The following TLK1 variants were observed in gnomAD, a reference collection of about 807,000 sequenced individuals.
TLK1 encodes the protein serine/threonine-protein kinase tousled-like 1.
TLK1 carries 24 observed loss-of-function variants against 105.3 expected under a neutral mutation model. That is an observed-to-expected ratio of 0.23 (90% confidence interval 0.17 to 0.32). The LOEUF (loss-of-function observed/expected upper bound fraction) is 0.32, where lower values mean the gene tolerates loss of function less well. Among genes scored for constraint, TLK1 ranks in the 10% least tolerant of loss-of-function variants. The pLI, the probability that TLK1 is intolerant of heterozygous loss-of-function variation, is 1.00. For missense variants in TLK1, 558 were observed against 910.5 expected (o/e 0.61, Z 4.98); for synonymous variants, 321 against 310.4 (o/e 1.03, Z -0.36).
chr2:171,009,281 ATTTCTTTTCCTTTTTTTTTTTTTTTTT>A (rs1291528734), intron 14 of TLK1, among the ~76,000 whole-genome samples: 12 of 114,406 alleles, frequency 1.0e-4, no homozygotes, highest in Non-Finnish European at 1.9e-4. Context: ...AACAGTCAGG[ATTTCTTTTCCTTTTTTTTTTTTTTTTT>A]TTTTTTTTTT....
chr2:171,081,608 A>G, intron 3 of TLK1: 1 of 1,282,064 alleles, frequency 7.8e-7, no homozygotes, highest in Non-Finnish European at 1.0e-6. Flanking sequence ...CTAAACTGAT[A>G]ATCTGATGCT....
intron 3 of TLK1, among the ~76,000 whole-genome samples, chr2:171,061,693 A>G (rs1687759126): frequency 6.6e-6 from 1 of 152,256 alleles, no homozygotes; most frequent in Non-Finnish European, 1.5e-5. Flanking sequence ...ATTATGCCCC[A>G]GATAACGGAT....
intron 12 of TLK1, among the ~76,000 whole-genome samples, chr2:171,026,721 A>G (rs1371581777): frequency 1.3e-5 from 2 of 152,116 alleles, no homozygotes; most frequent in Admixed American, 6.5e-5. Context: ...CTCATTATCA[A>G]AACAGTTTAA....
chr2:171,012,538 G>GCCAAGT (rs1684970020), intron 13 of TLK1, among the ~76,000 whole-genome samples: 1 of 151,950 alleles, frequency 6.6e-6, no homozygotes, highest in African/African-American at 2.4e-5. Flanking sequence ...GAGTGCAGTG[G>GCCAAGT]CACGATCTTG....
In TLK1 at chr2:171,160,764, T is replaced by A. The variant is rs2105615556; in HGVS notation, c.-336A>T. The stretch of plus-strand genomic sequence containing the variant: ...GTCGGAGCGCGGGCGGAGCGCGGGC[T>A]GCGCCGGCCGAGGACACTTCCGCGG... On this transcript the variant is annotated 5_prime_UTR_variant, in exon 1 of 21. Transcript: ENST00000431350. The surrounding 1 kb of genome is among the most constrained non-coding windows in gnomAD (Gnocchi z 4.4). 2.3e-6 allele frequency: 1 copy of A among 425,840 alleles called. No homozygotes were observed. The highest frequency in any genetic ancestry group is 4.0e-6 in the Non-Finnish European group (1 of 248,282). The allele number at this position is 425,840 out of a possible 1,614,324, so 26.4% of individuals were successfully genotyped here. A position where few individuals can be genotyped will look rare whatever the true frequency, so the allele number is the denominator to read the frequency against.
intron 18 of TLK1, among the ~76,000 whole-genome samples, chr2:171,000,162 G>C (rs1183966764): frequency 6.6e-6 from 1 of 152,052 alleles, no homozygotes; most frequent in African/African-American, 2.4e-5. Flanking sequence ...TAGAACAGGA[G>C]GTCGGCAGTT....
chr2:171,061,826 G>C (rs897841409), intron 3 of TLK1, among the ~76,000 whole-genome samples: 1 of 152,178 alleles, frequency 6.6e-6, no homozygotes, highest in Non-Finnish European at 1.5e-5. Flanking sequence ...ATATTTTGTG[G>C]TGTGAGAATT....
At chr2:171,197,292 G>A (rs1693293619) in intron 1 of TLK1, among the ~76,000 whole-genome samples, 1 of 152,014 alleles carries the variant, frequency 6.6e-6, no homozygotes, top group Non-Finnish European at 1.5e-5. Context: ...TTAAAAATGA[G>A]AGAGAAAAAA....
rs772193791 is a variant in TLK1, at chr2:171,082,773, T to A, written c.330+8A>T. On this transcript the variant is annotated splice_region_variant and intron_variant, in intron 3 of 20. Coordinates refer to ENST00000431350, the MANE Select transcript of TLK1 (RefSeq NM_012290.5). ...TAATAGCACCATATTTAAAATGAAATTACTTACCTCTGATTCTTTGTCACT... is the reference window on the plus strand; with the variant it reads ...TAATAGCACCATATTTAAAATGAAAATACTTACCTCTGATTCTTTGTCACT... 6.3e-7 allele frequency: 1 copy of A among 1,587,884 alleles called. No individual in the cohort carries two copies.
intron 1 of TLK1, among the ~76,000 whole-genome samples, chr2:171,203,501 A>C (rs1301066506): frequency 6.6e-6 from 1 of 152,196 alleles, no homozygotes; most frequent in Non-Finnish European, 1.5e-5. Context: ...ATTCATCCGC[A>C]TTGTAGAATA....
Position 171,128,978 on chromosome 2 carries a change from G to C in TLK1, c.140-11121C>G, listed in dbSNP as rs1044127125. Among the ~76,000 whole-genome samples the C allele has an allele frequency of 3.3e-4, 50 of 152,282 alleles. 2 individuals are homozygous for C. The highest frequency in any genetic ancestry group is 1.1e-3 in the African/African-American group (44 of 41,572). On this transcript the variant is annotated intron_variant, in intron 1 of 20. Coordinates refer to ENST00000431350, the MANE Select transcript of TLK1 (RefSeq NM_012290.5). ...CCAGAGGAAGAGTATGTGTGTGTGTGTGTGTATGTGTGTGTGCACGTGTCC... is the reference window on the plus strand; with the variant it reads ...CCAGAGGAAGAGTATGTGTGTGTGTCTGTGTATGTGTGTGTGCACGTGTCC...
intron 1 of TLK1, among the ~76,000 whole-genome samples, chr2:171,148,879 T>TA (rs745504391): frequency 0.015 from 1,597 of 103,852 alleles, 25 homozygotes; most frequent in South Asian, 0.034. Context: ...GACTCTGTCT[T>TA]AAAAAAAAAA....
chr2:171,223,481 C>CTTTTTTTTTTT (rs71013025), intron 1 of TLK1, among the ~76,000 whole-genome samples: 1 of 127,008 alleles, frequency 7.9e-6, no homozygotes. Flanking sequence ...GTATTTTGCA[C>CTTTTTTTTTTT]TTTTTTTTTT....
chr2:171,191,022 G>A (rs570952681), intron 1 of TLK1, among the ~76,000 whole-genome samples: 4 of 152,056 alleles, frequency 2.6e-5, no homozygotes, highest in African/African-American at 9.6e-5. Flanking sequence ...TTAGCTGGGC[G>A]TGGTGGTGCG....
At chr2:171,137,509 A>T (rs1691374629) in intron 1 of TLK1, among the ~76,000 whole-genome samples, 2 of 152,124 alleles carry the variant, frequency 1.3e-5, no homozygotes, top group African/African-American at 4.8e-5. Context: ...ACATGCACAT[A>T]TGCCTTGTTT....
upstream of TLK1, among the ~76,000 whole-genome samples, chr2:171,164,901 A>T (rs1364563687): frequency 1.3e-5 from 2 of 152,160 alleles, no homozygotes; most frequent in African/African-American, 4.8e-5. Context: ...CAGGAGGATC[A>T]CTTGAGCCTA....
At chr2:171,103,071 G>A (rs1244751620) in intron 2 of TLK1, among the ~76,000 whole-genome samples, 1 of 152,050 alleles carries the variant, frequency 6.6e-6, no homozygotes, top group African/African-American at 2.4e-5. Context: ...TTTGAGGCAA[G>A]TGGCAAATAA....
chr2:171,090,529 G>C (rs764780996), intron 2 of TLK1, among the ~76,000 whole-genome samples: 32 of 152,204 alleles, frequency 2.1e-4, no homozygotes, highest in Non-Finnish European at 3.5e-4. Context: ...TAGTGAGGAA[G>C]AGAACTACTT....
intron 1 of TLK1, among the ~76,000 whole-genome samples, chr2:171,219,194 C>T (rs1693765087): frequency 6.6e-6 from 1 of 152,194 alleles, no homozygotes; most frequent in Admixed American, 6.5e-5. Flanking sequence ...ATCAGCTTCA[C>T]TAGGCCAAAA....
Sources: allele counts gnomAD v4.1 joint callset (sites outside exome capture counted in the v4.1 genomes callset), GRCh38; gene constraint gnomAD v4.1.1; non-coding constraint Gnocchi (gnomAD v3.1); transcripts MANE v1.5; gene names NCBI Gene and HGNC (gene_info 2026-07-23, HGNC 2026-07-21).